BLTP3B: variants seen among roughly 807,000 people sequenced by gnomAD.
BLTP3B encodes the protein bridge-like lipid transfer protein family member 3B.
At chr12:100,089,394 A>C in the BLTP3B span, among the ~76,000 whole-genome samples, 3 of 152,082 alleles carry the variant, frequency 2.0e-5, no homozygotes, top group African/African-American at 7.2e-5. Flanking sequence ...CCCCATTTCT[A>C]CTAAAAATAT....
the BLTP3B span, chr12:100,047,499 CATAA>C: frequency 6.5e-7 from 1 of 1,530,988 alleles, no homozygotes; most frequent in South Asian, 1.1e-5. Flanking sequence ...AATTCCATCT[CATAA>C]ATAAACAAAT....
At chr12:100,088,945 T>C in the BLTP3B span, 14 of 1,603,510 alleles carry the variant, frequency 8.7e-6, no homozygotes, top group South Asian at 4.5e-5. Flanking sequence ...TCATCACATA[T>C]GTGTAGATCT....
the BLTP3B span, chr12:100,047,829 A>G: frequency 8.3e-7 from 1 of 1,208,104 alleles, no homozygotes. Flanking sequence ...AGACAAAATC[A>G]TTTTAATAAA....
the BLTP3B span, among the ~76,000 whole-genome samples, chr12:100,055,042 T>C: frequency 6.6e-6 from 1 of 152,202 alleles, no homozygotes; most frequent in Non-Finnish European, 1.5e-5. Context: ...AAATATCATC[T>C]ATCATGTAAG....
the BLTP3B span, among the ~76,000 whole-genome samples, chr12:100,063,982 G>C: frequency 1.3e-5 from 2 of 152,138 alleles, no homozygotes; most frequent in African/African-American, 4.8e-5. Flanking sequence ...TTAGTTATTA[G>C]GCTAATCAGG....
At chr12:100,125,106 C>T in the BLTP3B span, among the ~76,000 whole-genome samples, 3 of 148,340 alleles carry the variant, frequency 2.0e-5, no homozygotes, top group African/African-American at 4.9e-5. Flanking sequence ...CCGAGATGGG[C>T]GGATCATCCG....
At chr12:100,060,025 T>C in the BLTP3B span, 17 of 1,601,038 alleles carry the variant, frequency 1.1e-5, no homozygotes, top group East Asian at 2.7e-4. Flanking sequence ...CAGCTGGCTA[T>C]AGAGGTTGGG....
the BLTP3B span, among the ~76,000 whole-genome samples, chr12:100,131,430 T>C: frequency 2.6e-5 from 4 of 151,974 alleles, no homozygotes; most frequent in African/African-American, 9.7e-5. Context: ...GATGCTATAC[T>C]GGTAGTGGTA....
chr12:100,086,383 G>GA, the BLTP3B span: 11 of 502,806 alleles, frequency 2.2e-5, no homozygotes, highest in East Asian at 5.2e-5. Context: ...GGGGGGGGGG[G>GA]AAATATTAAG....
the BLTP3B span, among the ~76,000 whole-genome samples, chr12:100,114,964 G>A: frequency 6.6e-6 from 1 of 152,066 alleles, no homozygotes; most frequent in Non-Finnish European, 1.5e-5. Flanking sequence ...CTCACAATGT[G>A]AATTAGTTAA....
the BLTP3B span, among the ~76,000 whole-genome samples, chr12:100,105,818 G>A: frequency 2.0e-5 from 3 of 151,810 alleles, no homozygotes; most frequent in African/African-American, 4.8e-5. Flanking sequence ...GTCTGACAAA[G>A]GACTAATATT....
chr12:100,109,159 CCTCTCTCTCTCTCTCTCT>C, the BLTP3B span, among the ~76,000 whole-genome samples: 10,076 of 65,424 alleles, frequency 0.15, 562 homozygotes, highest in Middle Eastern at 0.19. Context: ...TGGCAGTTTT[CCTCTCTCTCTCTCTCTCT>C]CTCTCTCTCT....
the BLTP3B span, among the ~76,000 whole-genome samples, chr12:100,055,232 T>C: frequency 6.6e-6 from 1 of 152,224 alleles, no homozygotes; most frequent in Non-Finnish European, 1.5e-5. Flanking sequence ...ACTTACTAGC[T>C]GCATAACTTT....
At chr12:100,131,324 A>T in the BLTP3B span, among the ~76,000 whole-genome samples, 4 of 151,054 alleles carry the variant, frequency 2.6e-5, no homozygotes, top group Non-Finnish European at 5.9e-5. Flanking sequence ...AAAAAAAAAA[A>T]TTAATTAATT....
At chr12:100,070,723 G>T in the BLTP3B span, among the ~76,000 whole-genome samples, 19 of 152,242 alleles carry the variant, frequency 1.2e-4, no homozygotes, top group African/African-American at 4.3e-4. Flanking sequence ...GGTGGGTGCG[G>T]TGGCTCATGC....
the BLTP3B span, among the ~76,000 whole-genome samples, chr12:100,112,598 C>G: frequency 6.6e-6 from 1 of 152,048 alleles, no homozygotes; most frequent in Non-Finnish European, 1.5e-5. Flanking sequence ...ATACATTTTA[C>G]AATCAATACA....
At chr12:100,115,743 C>CA in the BLTP3B span, among the ~76,000 whole-genome samples, 2 of 151,118 alleles carry the variant, frequency 1.3e-5, no homozygotes, top group African/African-American at 4.9e-5. Flanking sequence ...GCCTTGGTGA[C>CA]AGAGTGAGAT....
chr12:100,102,612 A>C, the BLTP3B span, among the ~76,000 whole-genome samples: 72 of 152,288 alleles, frequency 4.7e-4, no homozygotes, highest in Admixed American at 2.8e-3. Flanking sequence ...GTTAAAAGTC[A>C]AATCTGCAAC....
chr12:100,052,790 G>GTTTT, the BLTP3B span, among the ~76,000 whole-genome samples: 7,067 of 114,142 alleles, frequency 0.062, 264 homozygotes, highest in Non-Finnish European at 0.07. Context: ...TTTCTTTTCT[G>GTTTT]TTTTTTTTTT....
Sources: gnomAD v4.1 joint callset for allele counts (sites outside exome capture counted in the v4.1 genomes callset) on GRCh38, gnomAD v4.1.1 for gene constraint, MANE v1.5 for transcripts, NCBI Gene and HGNC (gene_info 2026-07-23, HGNC 2026-07-21) for gene names.